DNAH1: variants seen among roughly 807,000 people sequenced by gnomAD.
DNAH1 encodes axonemal beta dynein heavy chain 1.
DNAH1 carries 327 observed loss-of-function variants against 484.3 expected under a neutral mutation model. That is an observed-to-expected ratio of 0.68 (90% CI 0.62 to 0.74). The LOEUF (loss-of-function observed/expected upper bound fraction) is 0.74. Among genes scored for constraint, DNAH1 ranks in the 30% least tolerant of loss-of-function variants. The pLI, the probability that DNAH1 is intolerant of heterozygous loss-of-function variation, is 0.00. For synonymous variants in DNAH1, 2,192 were observed against 2,191.9 expected (o/e 1.00, Z 0.00); for missense variants, 5,052 against 5,546.8 (o/e 0.91, Z 2.83).
chr3:52,375,550 A>G, intron 45 of DNAH1, 137 bp downstream of exon 45: 1 of 916,512 alleles, frequency 1.1e-6, no homozygotes, highest in South Asian at 1.7e-5. Flanking sequence ...CCTCTCACTC[A>G]GCTGTGTGAT....
chr3:52,365,719 C>T (rs570507505), intron 34 of DNAH1, among the ~76,000 whole-genome samples: 2 of 152,282 alleles, frequency 1.3e-5, no homozygotes, highest in East Asian at 3.9e-4. Context: ...CACACAAGGC[C>T]CTTCTCGGGA....
chr3:52,346,327 G>A (rs1424908884), intron 10 of DNAH1, 145 bp from the exon 11 acceptor site: 10 of 847,930 alleles, frequency 1.2e-5, no homozygotes, highest in Non-Finnish European at 1.8e-5. Flanking sequence ...GCAGGGCTTG[G>A]CAGTAAGTTG....
chr3:52,394,937 G>A lies in DNAH1; in HGVS notation c.10846G>A (p.Asp3616Asn). The part of the protein sequence containing the change: ...PHREPLPGIW[D>N]QYLDQFQKLL... The stretch of plus-strand genomic sequence containing the variant: ...CAGGGAGCCTTTGCCTGGCATCTGG[G>A]ACCAGTACCTAGACCAGTTCCAGAA... The change falls in exon 68 of 78, where the codon GAC becomes AAC. Residue 3616 changes from aspartate to asparagine, a missense_variant. Coordinates refer to ENST00000420323, the MANE Select transcript of DNAH1 (RefSeq NM_015512.5). 6.2e-7 allele frequency: 1 copy of A among 1,613,542 alleles called. No homozygotes were observed. The highest frequency in any genetic ancestry group is 8.5e-7 in the Non-Finnish European group (1 of 1,179,758).
rs1412751421 is a variant in DNAH1 at position 52,395,073 on chromosome 3, C to G, written c.10968+14C>G. 6.2e-7 allele frequency: 1 copy of G among 1,602,708 alleles called. No individual in the cohort carries two copies. Among genetic ancestry groups the G allele is most frequent in the African/African-American group, 1.3e-5 (1 of 74,700 alleles). On this transcript the variant is annotated intron_variant, in intron 68 of 77. Coordinates refer to ENST00000420323, the MANE Select transcript of DNAH1 (RefSeq NM_015512.5). This position sits in a 1 kb window ranked among gnomAD's most constrained non-coding sequence, Gnocchi z 4.4. ...ATTGAACCCCAGGCAAGTGCTGGAA[C>G]CCTGGCAGGACTGGCACCTTGAGCT...
At position 52,370,748 on chromosome 3, in the gene DNAH1, G is replaced by A. The variant is rs778635747; in HGVS notation, c.6448G>A (p.Val2150Met). 1 of 1,607,048 alleles carries A rather than the reference G, an allele frequency of 6.2e-7. No homozygotes were observed. The highest frequency in any genetic ancestry group is 8.5e-7 in the Non-Finnish European group (1 of 1,177,042). ...LTLLFPEEGLVFDYRLEDAGI... is the reference protein window; with the variant it reads ...LTLLFPEEGLMFDYRLEDAGI... The stretch of plus-strand genomic sequence containing the variant: ...TCTGCTTTTCCCAGAAGAGGGGCTG[G>A]TGTTCGATTACAGGCTGGAGGACGC... The change falls in exon 41 of 78, where the codon GTG becomes ATG. Residue 2150 changes from valine to methionine, a missense_variant. Around this residue, in one of 4 missense-constraint regions of DNAH1, gnomAD observed 2,929 missense variants for 3,409.4 expected, o/e 0.86. Transcript: ENST00000420323.
intron 49 of DNAH1, 104 bp from the exon 50 acceptor site, chr3:52,382,216 G>A: frequency 6.3e-7 from 1 of 1,578,602 alleles, no homozygotes; most frequent in Non-Finnish European, 8.7e-7. Context: ...TGCCCAGGAT[G>A]GGAGCAGAAT....
intron 44 of DNAH1, chr3:52,374,657 T>G: frequency 6.8e-7 from 1 of 1,461,830 alleles, no homozygotes; most frequent in East Asian, 2.3e-5. Context: ...CAGCGAAGAT[T>G]CTGCCCATCA....
intron 41 of DNAH1, among the ~76,000 whole-genome samples, chr3:52,371,490 CG>C (rs1282538713): frequency 4.6e-5 from 7 of 152,192 alleles, no homozygotes; most frequent in African/African-American, 1.7e-4. Context: ...TTTGTGCAGG[CG>C]GGGACAGTGT....
intron 3 of DNAH1, among the ~76,000 whole-genome samples, chr3:52,324,790 C>T (rs1261980609): frequency 1.3e-5 from 2 of 152,138 alleles, no homozygotes; most frequent in African/African-American, 4.8e-5. Flanking sequence ...GCTCCTGCCA[C>T]ACATGGCAGG....
rs561471678 is a variant in DNAH1, at chr3:52,371,353, G to A, written c.6525+528G>A. Among the ~76,000 whole-genome samples the A allele has an allele frequency of 3.0e-4, 45 of 152,346 alleles. No individual in the cohort carries two copies. In the South Asian group the frequency reaches 7.7e-3, roughly 26 times the overall value. On this transcript the variant is annotated intron_variant, in intron 41 of 77. Coordinates refer to ENST00000420323, the MANE Select transcript of DNAH1 (RefSeq NM_015512.5). ...CATTACTGTGCAGCGTCCTGCTGGGGGCTCCCAGGGCACATTTGGGTCTAA... is the reference window on the plus strand; with the variant it reads ...CATTACTGTGCAGCGTCCTGCTGGGAGCTCCCAGGGCACATTTGGGTCTAA...
chr3:52,377,690 T>C (rs1241884494), intron 46 of DNAH1, among the ~76,000 whole-genome samples: 2 of 152,040 alleles, frequency 1.3e-5, no homozygotes, highest in African/African-American at 4.8e-5. Context: ...GCCCTTGCTG[T>C]CCCCTCTGCC....
rs756345372 is a variant in DNAH1 at position 52,370,129 on chromosome 3, G to C, written c.6158G>C (p.Arg2053Pro). ...SFLEESISFV[R>P]SSVKEVIAST... ...CTGCAGGAATCCATCTCCTTCGTTC[G>C]GTCCTCAGTGAAGGAGGTGATCGCC... Residue 2053 changes from arginine (R) to proline (P), a missense_variant, in exon 39 of 78, where the codon CGG becomes CCG. Arg to Pro is a moderately radical substitution (Grantham distance 103). Around this residue, in one of 4 missense-constraint regions of DNAH1, gnomAD observed 2,929 missense variants for 3,409.4 expected, o/e 0.86. Coordinates refer to ENST00000420323, the MANE Select transcript of DNAH1 (RefSeq NM_015512.5). 1.2e-6 allele frequency: 2 copies of C among 1,613,956 alleles called. No homozygotes were observed. Among genetic ancestry groups the C allele is most frequent in the South Asian group, 2.2e-5 (2 of 91,078 alleles).
rs1702579808 is a variant in DNAH1 at position 52,355,629 on chromosome 3, T to C, written c.3693+574T>C. ...TGATATCCCCTTCCCCGGGCCTCCC[T>C]GATAGCTGCTCAGAGACCTCCGGCG... On this transcript the variant is annotated intron_variant, in intron 21 of 77. Transcript: ENST00000420323. The surrounding 1 kb of genome is among the most constrained non-coding windows in gnomAD (Gnocchi z 4.5). 6.6e-6 allele frequency among the ~76,000 whole-genome samples: 1 copy of C among 152,212 alleles called. No homozygotes were observed. The highest frequency in any genetic ancestry group is 6.5e-5 in the Admixed American group (1 of 15,282).
Position 52,360,337 on chromosome 3 carries a change from A to G in DNAH1, c.4598A>G (p.Tyr1533Cys). ...TACTACTGGACAAATAATGACCTGT[A>G]TATCCGTGCTGTGAATGCTGAGTTC... ...LRYYWTNNDLYIRAVNAEFIY... is the reference protein window; with the variant it reads ...LRYYWTNNDLCIRAVNAEFIY... Residue 1533 changes from tyrosine to cysteine, a missense_variant, in exon 28 of 78, where the codon TAT becomes TGT. Transcript: ENST00000420323. The G allele has an allele frequency of 1.9e-6, 3 of 1,613,950 alleles. No homozygotes were observed. Among genetic ancestry groups the G allele is most frequent in the Non-Finnish European group, 2.5e-6 (3 of 1,179,852 alleles).
intron 44 of DNAH1, 143 bp from the exon 45 acceptor site, chr3:52,375,097 T>C (rs1703529377): frequency 2.0e-6 from 2 of 1,021,284 alleles, no homozygotes; most frequent in Non-Finnish European, 2.8e-6. Flanking sequence ...AAAGAAAAAT[T>C]TTCCTGTGTA....
At position 52,352,676 on chromosome 3, in the gene DNAH1, G is replaced by T; in HGVS notation, c.2996G>T (p.Arg999Leu). The T allele has an allele frequency of 6.2e-7, 1 of 1,612,636 alleles. No homozygotes were observed. Among genetic ancestry groups the T allele is most frequent in the East Asian group, 2.2e-5 (1 of 44,842 alleles). Residue 999 changes from arginine to leucine, a missense_variant, in exon 18 of 78, where the codon CGC becomes CTC. Arg to Leu is a moderately radical substitution (Grantham distance 102, BLOSUM62 -2). This residue lies in a region of DNAH1 where 2,929 missense variants were observed against 3,409.4 expected (regional missense o/e 0.86). Transcript: ENST00000420323. ...CAGCTGGCCATGCTCTACAACAACCGCGAGCGCATCTTCAGCTTGCCCATC... is the reference window on the plus strand; with the variant it reads ...CAGCTGGCCATGCTCTACAACAACCTCGAGCGCATCTTCAGCTTGCCCATC... ...CQQLAMLYNN[R>L]ERIFSLPITN...
chr3:52,349,998 G>A lies in DNAH1; in HGVS notation c.2536G>A (p.Glu846Lys), dbSNP rs775066574. 1.2e-6 allele frequency: 2 copies of A among 1,609,928 alleles called. No individual in the cohort carries two copies. The highest frequency in any genetic ancestry group is 1.7e-5 in the Admixed American group (1 of 59,588). Reference sequence around the variant, plus strand: ...CTCCTCCCACTGCCAGATCTGCGAGGAGTTCCGCAGCATCAGCCGCAAGAT... The same window carrying A: ...CTCCTCCCACTGCCAGATCTGCGAGAAGTTCCGCAGCATCAGCCGCAAGAT... ...LHKEVDSICEEFRSISRKIYE... is the reference protein window; with the variant it reads ...LHKEVDSICEKFRSISRKIYE... The change falls in exon 15 of 78, where the codon GAG becomes AAG. Residue 846 changes from glutamate to lysine, a missense_variant. Coordinates refer to ENST00000420323, the MANE Select transcript of DNAH1 (RefSeq NM_015512.5).
chr3:52,397,078 C>A (rs1420063209), intron 73 of DNAH1, 34 bp downstream of exon 73: 3 of 1,544,286 alleles, frequency 1.9e-6, no homozygotes, highest in East Asian at 2.4e-5. Context: ...ACAGGAGGGG[C>A]CTGCCAGCCT....
intron 12 of DNAH1, among the ~76,000 whole-genome samples, chr3:52,348,287 A>G (rs1252224608): frequency 6.6e-6 from 1 of 152,172 alleles, no homozygotes; most frequent in African/African-American, 2.4e-5. Flanking sequence ...CATAGCTGCT[A>G]AGTGTTGGAA....
Sources: allele counts gnomAD v4.1 joint callset (sites outside exome capture counted in the v4.1 genomes callset), GRCh38; gene constraint gnomAD v4.1.1; regional missense constraint gnomAD v4.1.1; non-coding constraint Gnocchi (gnomAD v3.1); transcripts MANE v1.5; gene names NCBI Gene and HGNC (gene_info 2026-07-23, HGNC 2026-07-21).